LPAR3: variants seen among roughly 807,000 people sequenced by gnomAD.
LPAR3 encodes the protein LPA receptor 3.
Under a neutral mutation model 17.8 loss-of-function variants are expected in LPAR3, and 7 were observed. The observed-to-expected ratio is 0.39, with a 90% CI of 0.22 to 0.74. The LOEUF (loss-of-function observed/expected upper bound fraction) is 0.74. LPAR3 is among the 30% of genes least tolerant of loss of function. LPAR3 has a pLI of 0.40. For missense variants in LPAR3, 391 were observed against 453.4 expected (o/e 0.86, Z 1.25); for synonymous variants, 179 against 179.9 (o/e 0.99, Z 0.04).
At chr1:84,875,996 T>C (rs949063062) in intron 1 of LPAR3, among the ~76,000 whole-genome samples, 23 of 152,094 alleles carry the variant, frequency 1.5e-4, no homozygotes, top group African/African-American at 5.3e-4. Flanking sequence ...AAACTCTACA[T>C]AGGAAGGAAA....
intron 2 of LPAR3, among the ~76,000 whole-genome samples, chr1:84,851,304 A>T (rs746748924): frequency 2.0e-5 from 3 of 152,192 alleles, no homozygotes; most frequent in Non-Finnish European, 4.4e-5. Context: ...TCTCCTTCCC[A>T]GTCCCTCTTA....
At chr1:84,820,717 C>G (rs1029265623) in intron 2 of LPAR3, among the ~76,000 whole-genome samples, 1 of 152,054 alleles carries the variant, frequency 6.6e-6, no homozygotes, top group Non-Finnish European at 1.5e-5. Flanking sequence ...TCTGAATGCC[C>G]TTAGGCACCC....
chr1:84,820,001 G>T (rs909601226), intron 2 of LPAR3, among the ~76,000 whole-genome samples: 1 of 152,140 alleles, frequency 6.6e-6, no homozygotes, highest in East Asian at 1.9e-4. Context: ...GGGTCAGGCA[G>T]TGTGCTCAGG....
intron 2 of LPAR3, among the ~76,000 whole-genome samples, chr1:84,854,635 G>A (rs1473411179): frequency 6.6e-6 from 1 of 152,172 alleles, no homozygotes; most frequent in Non-Finnish European, 1.5e-5. Context: ...TAGAGGCCAT[G>A]TCTCATAGTT....
chr1:84,884,102 T>A (rs974841270), intron 1 of LPAR3, among the ~76,000 whole-genome samples: 1 of 152,264 alleles, frequency 6.6e-6, no homozygotes, highest in African/African-American at 2.4e-5. Context: ...TTTAAATTTT[T>A]CAAAAGCAAC....
intron 2 of LPAR3, among the ~76,000 whole-genome samples, chr1:84,863,890 C>A (rs1341179155): frequency 6.6e-6 from 1 of 152,168 alleles, no homozygotes; most frequent in Non-Finnish European, 1.5e-5. Flanking sequence ...TCCCCTCTAC[C>A]TTACCCATCA....
intron 2 of LPAR3, among the ~76,000 whole-genome samples, chr1:84,852,616 G>A (rs1277023335): frequency 6.6e-6 from 1 of 152,166 alleles, no homozygotes; most frequent in Non-Finnish European, 1.5e-5. Context: ...GCTGAGGATG[G>A]AGAGGCTGCT....
At chr1:84,823,653 T>G (rs1659098789) in intron 2 of LPAR3, among the ~76,000 whole-genome samples, 1 of 152,176 alleles carries the variant, frequency 6.6e-6, no homozygotes, top group African/African-American at 2.4e-5. Context: ...CTAGAACCAC[T>G]GCCTAGACCT....
intron 2 of LPAR3, among the ~76,000 whole-genome samples, chr1:84,837,885 G>C (rs1659435166): frequency 6.6e-6 from 1 of 152,142 alleles, no homozygotes; most frequent in African/African-American, 2.4e-5. Context: ...GGAGCTAGAA[G>C]AAAAATGATA....
intron 2 of LPAR3, among the ~76,000 whole-genome samples, chr1:84,829,824 G>A (rs1002310040): frequency 1.3e-5 from 2 of 152,144 alleles, no homozygotes; most frequent in Non-Finnish European, 1.5e-5. Context: ...AGCAGAAAGC[G>A]GCCAAGTAAG....
intron 1 of LPAR3, among the ~76,000 whole-genome samples, chr1:84,878,569 T>C (rs1172240802): frequency 6.6e-6 from 1 of 152,174 alleles, no homozygotes; most frequent in African/African-American, 2.4e-5. Context: ...CAATGTGCCT[T>C]GGAGCTAAAA....
In LPAR3 at chr1:84,892,246, TAAATAAATAAATAAAA is replaced by T. The variant is rs1468267469; in HGVS notation, c.-19+754_-19+769del. Among the ~76,000 whole-genome samples the T allele has an allele frequency of 4.8e-3, 708 of 148,268 alleles. 4 individuals carry two copies. Among genetic ancestry groups the T allele is most frequent in the African/African-American group, 0.014 (567 of 39,538 alleles). On this transcript the variant is annotated intron_variant, in intron 1 of 2. Transcript: ENST00000370611. ...ATAAATAAATAAATAAATAAATAAA[TAAATAAATAAATAAAA>T]ACTAACCTACAAATGCTTTTCAGGG... is the stretch of plus-strand genomic sequence containing the variant.
At chr1:84,872,398 C>A (rs1660171550) in intron 1 of LPAR3, among the ~76,000 whole-genome samples, 2 of 152,150 alleles carry the variant, frequency 1.3e-5, no homozygotes, top group African/African-American at 4.8e-5. Flanking sequence ...CTCACCTGAG[C>A]AGACCAGTCA....
chr1:84,885,720 C>T (rs1660448957), intron 1 of LPAR3, among the ~76,000 whole-genome samples: 1 of 152,150 alleles, frequency 6.6e-6, no homozygotes, highest in African/African-American at 2.4e-5. Context: ...GGCTAGCAGG[C>T]CTGGCAGCCG....
At chr1:84,862,558 G>A (rs1659959966) in intron 2 of LPAR3, among the ~76,000 whole-genome samples, 1 of 152,162 alleles carries the variant, frequency 6.6e-6, no homozygotes, top group South Asian at 2.1e-4. Context: ...AAAACACTTA[G>A]GACAATGCTT....
intron 1 of LPAR3, among the ~76,000 whole-genome samples, chr1:84,872,935 G>A (rs1660182988): frequency 1.3e-5 from 2 of 152,184 alleles, no homozygotes; most frequent in South Asian, 2.1e-4. Flanking sequence ...GTAAATCACA[G>A]TTTACTGTGA....
intron 1 of LPAR3, among the ~76,000 whole-genome samples, chr1:84,883,617 G>A (rs1336025945): frequency 6.6e-6 from 1 of 152,162 alleles, no homozygotes; most frequent in African/African-American, 2.4e-5. Flanking sequence ...ATCCCACAGT[G>A]AGATGGGCAG....
At chr1:84,890,783 G>C (rs1660539143) in intron 1 of LPAR3, among the ~76,000 whole-genome samples, 1 of 152,172 alleles carries the variant, frequency 6.6e-6, no homozygotes, top group South Asian at 2.1e-4. Context: ...GATTCCCCTT[G>C]CCCCAGCCCA....
chr1:84,858,499 A>T (rs781453952), intron 2 of LPAR3, among the ~76,000 whole-genome samples: 2 of 151,620 alleles, frequency 1.3e-5, no homozygotes, highest in Admixed American at 6.6e-5. Flanking sequence ...AAAAAAAAAA[A>T]AAAAACCTAA....
Sources: allele counts gnomAD v4.1 joint callset (sites outside exome capture counted in the v4.1 genomes callset), GRCh38; gene constraint gnomAD v4.1.1; transcripts MANE v1.5; gene names NCBI Gene and HGNC (gene_info 2026-07-23, HGNC 2026-07-21).